CEP63: variants seen among roughly 807,000 people sequenced by gnomAD.
CEP63 encodes centrosomal protein 63, also known as centrosomal protein of 63 kDa.
A neutral mutation model predicts 89.1 loss-of-function variants in CEP63; 84 were observed. That is an observed-to-expected ratio of 0.94 (90% confidence interval 0.79 to 1.13). CEP63 has a LOEUF of 1.13. Among genes scored for constraint, CEP63 ranks in the 50% most tolerant of loss-of-function variants. The pLI, the probability that CEP63 is intolerant of heterozygous loss-of-function variation, is 0.00. For missense variants in CEP63, 838 were observed against 813.3 expected (o/e 1.03, Z -0.37); for synonymous variants, 267 against 272.5 (o/e 0.98, Z 0.20).
chr3:134,531,965 TTGTG>T, intron 4 of CEP63, 25 bp downstream of exon 4: 1 of 1,518,444 alleles, frequency 6.6e-7, no homozygotes, highest in Non-Finnish European at 9.1e-7. Flanking sequence ...TTGTTAAATG[TTGTG>T]TGTGTAGTTC....
At chr3:134,602,210 G>T in the CEP63 span, among the ~76,000 whole-genome samples, 1 of 152,272 alleles carries the variant, frequency 6.6e-6, no homozygotes, top group Non-Finnish European at 1.5e-5. Context: ...TGTGTGCCAG[G>T]ATGGTTCTGC....
chr3:134,668,211 G>C, the CEP63 span, among the ~76,000 whole-genome samples: 1 of 152,194 alleles, frequency 6.6e-6, no homozygotes, highest in Non-Finnish European at 1.5e-5. Flanking sequence ...GTCTGGGTTG[G>C]TCTGGGGGCT....
the CEP63 span, chr3:134,620,736 C>A: frequency 6.2e-7 from 1 of 1,601,840 alleles, no homozygotes; most frequent in South Asian, 1.1e-5. Context: ...AGAAATTCCA[C>A]AGGGGGGCCT....
At chr3:134,608,974 GACTC>G in the CEP63 span, 5 of 1,001,562 alleles carry the variant, frequency 5.0e-6, no homozygotes, top group African/African-American at 8.2e-5. Context: ...GGGCACTGGA[GACTC>G]CTCCTCAGTG....
At chr3:134,533,263 A>G (rs1224596121) in intron 5 of CEP63, among the ~76,000 whole-genome samples, 1 of 152,208 alleles carries the variant, frequency 6.6e-6, no homozygotes, top group African/African-American at 2.4e-5. Context: ...AGGAAGGATT[A>G]TTGTACCTCA....
At chr3:134,560,406 C>T (rs1201252102) in intron 14 of CEP63, among the ~76,000 whole-genome samples, 1 of 152,246 alleles carries the variant, frequency 6.6e-6, no homozygotes, top group Non-Finnish European at 1.5e-5. Context: ...AATTCGTGGA[C>T]ATATGCAGAG....
the CEP63 span, chr3:134,625,032 C>G: frequency 2.5e-4 from 388 of 1,575,178 alleles, 5 homozygotes; most frequent in South Asian, 4.4e-3. Flanking sequence ...GGCCCATGGT[C>G]AGAGCGGCCA....
At chr3:134,765,606 T>C in the CEP63 span, among the ~76,000 whole-genome samples, 2 of 152,096 alleles carry the variant, frequency 1.3e-5, no homozygotes, top group South Asian at 2.1e-4. Context: ...GGGGAGAGCA[T>C]GTGTACAGAT....
At chr3:134,753,453 C>A in the CEP63 span, among the ~76,000 whole-genome samples, 1 of 152,102 alleles carries the variant, frequency 6.6e-6, no homozygotes, top group African/African-American at 2.4e-5. Context: ...GGTCTTGTGA[C>A]ACATAGTGAG....
chr3:134,659,269 T>C, the CEP63 span, among the ~76,000 whole-genome samples: 1 of 152,222 alleles, frequency 6.6e-6, no homozygotes, highest in Non-Finnish European at 1.5e-5. Flanking sequence ...TACCCAGCTA[T>C]TGAAATGCCC....
the CEP63 span, among the ~76,000 whole-genome samples, chr3:134,734,127 A>C: frequency 0.022 from 3,337 of 152,332 alleles, 119 homozygotes; most frequent in African/African-American, 0.076. Flanking sequence ...CACTCCAGGA[A>C]ATTTATTACA....
intron 10 of CEP63, among the ~76,000 whole-genome samples, chr3:134,584,914 T>A (rs2110340463): frequency 6.6e-6 from 1 of 151,286 alleles, no homozygotes; most frequent in Admixed American, 6.6e-5. Context: ...TGGGAGGGTG[T>A]ATGTGTCCAG....
the CEP63 span, among the ~76,000 whole-genome samples, chr3:134,660,910 C>T: frequency 0.21 from 32,450 of 152,072 alleles, 3,974 homozygotes; most frequent in Non-Finnish European, 0.28. Flanking sequence ...TCCTCAGCCC[C>T]TTTCTGGGCC....
At chr3:134,649,404 T>C in the CEP63 span, among the ~76,000 whole-genome samples, 1 of 152,106 alleles carries the variant, frequency 6.6e-6, no homozygotes, top group Non-Finnish European at 1.5e-5. Context: ...TCAGAGAGGA[T>C]TGGGAGTAGG....
At chr3:134,604,787 T>C in the CEP63 span, among the ~76,000 whole-genome samples, 1 of 152,178 alleles carries the variant, frequency 6.6e-6, no homozygotes, top group South Asian at 2.1e-4. Flanking sequence ...TCCTGCCCAA[T>C]TGATTCACAT....
At chr3:134,704,462 G>A in the CEP63 span, among the ~76,000 whole-genome samples, 1 of 152,100 alleles carries the variant, frequency 6.6e-6, no homozygotes, top group African/African-American at 2.4e-5. Flanking sequence ...AAGAAGAGAA[G>A]GCAGACAGAG....
the CEP63 span, chr3:134,606,969 G>C: frequency 5.1e-6 from 5 of 985,028 alleles, no homozygotes; most frequent in Non-Finnish European, 6.0e-6. Flanking sequence ...AACAGAACTA[G>C]CTACCACAAA....
the CEP63 span, among the ~76,000 whole-genome samples, chr3:134,667,461 C>A: frequency 6.6e-6 from 1 of 152,094 alleles, no homozygotes; most frequent in Admixed American, 6.5e-5. Context: ...TCTTTGGGCA[C>A]CTGGGTTGTT....
At chr3:134,635,763 C>G in the CEP63 span, among the ~76,000 whole-genome samples, 1 of 151,944 alleles carries the variant, frequency 6.6e-6, no homozygotes, top group Non-Finnish European at 1.5e-5. Context: ...AGCAAAAATA[C>G]CAACCACACA....
Sources: allele counts gnomAD v4.1 joint callset (sites outside exome capture counted in the v4.1 genomes callset), GRCh38; gene constraint gnomAD v4.1.1; transcripts MANE v1.5; gene names NCBI Gene and HGNC (gene_info 2026-07-23, HGNC 2026-07-21).